Variants in GNPAT observed in about 807,000 individuals in gnomAD.
GNPAT encodes dihydroxyacetone phosphate acyltransferase.
In GNPAT, 30 loss-of-function variants were observed where a neutral mutation model predicts 78.4. The observed-to-expected ratio is 0.38, with a 90% confidence interval of 0.29 to 0.52. The LOEUF (loss-of-function observed/expected upper bound fraction) is 0.52. Ranked by LOEUF, GNPAT falls within the 20% of genes least tolerant of loss-of-function variation. The pLI, the probability that GNPAT is intolerant of heterozygous loss-of-function variation, is 0.84. For synonymous variants in GNPAT, 271 were observed against 281.1 expected, an observed-to-expected ratio of 0.96 and a Z score of 0.36; for missense variants, 714 against 812.2, an observed-to-expected ratio of 0.88 and a Z score of 1.47.
chr1:231,248,815 A>C (rs1490424492), intron 1 of GNPAT, among the ~76,000 whole-genome samples: 1 of 152,208 alleles, frequency 6.6e-6, no homozygotes, highest in African/African-American at 2.4e-5. Flanking sequence ...ACAATCACTT[A>C]TAGCATTCAG....
intron 10 of GNPAT, 49 bp from the exon 11 acceptor site, chr1:231,272,263 A>T: frequency 1.1e-6 from 1 of 940,676 alleles, no homozygotes; most frequent in Non-Finnish European, 1.8e-6. Flanking sequence ...GTACTCCCTT[A>T]AAGTTTAAAG....
intron 12 of GNPAT, 48 bp from the exon 13 acceptor site, chr1:231,275,173 C>A: frequency 9.2e-7 from 1 of 1,082,718 alleles, no homozygotes; most frequent in Non-Finnish European, 1.4e-6. Flanking sequence ...TTGAACTTGG[C>A]TATCCTTTTT....
intron 14 of GNPAT, 131 bp from the exon 15 acceptor site, chr1:231,276,004 C>G (rs1010908855): frequency 4.1e-5 from 26 of 627,718 alleles, no homozygotes. Context: ...TGAGGCCTTT[C>G]GACTACTTAG....
At chr1:231,242,480 G>C (rs1458277636) in intron 1 of GNPAT, among the ~76,000 whole-genome samples, 1 of 152,194 alleles carries the variant, frequency 6.6e-6, no homozygotes, top group Non-Finnish European at 1.5e-5. Flanking sequence ...AGAAACTTCT[G>C]TTCCCTCTCT....
chr1:231,266,056 T>C lies in GNPAT; in HGVS notation c.815T>C (p.Val272Ala). The change falls in exon 7 of 16, where the codon GTT becomes GCT. Residue 272 changes from valine (V) to alanine (A), a missense_variant. Coordinates refer to ENST00000366647, the MANE Select transcript of GNPAT (RefSeq NM_014236.4). ...ATGGAGCCATTTTTTAAAAGAGAAGTTTTTGATACCTACCTTGTCCCAATT... is the reference window on the plus strand; with the variant it reads ...ATGGAGCCATTTTTTAAAAGAGAAGCTTTTGATACCTACCTTGTCCCAATT... ...IVMEPFFKREVFDTYLVPISI... is the reference protein window; with the variant it reads ...IVMEPFFKREAFDTYLVPISI... 6.2e-7 allele frequency: 1 copy of C among 1,612,154 alleles called. No homozygotes were observed. Among genetic ancestry groups the C allele is most frequent in the Non-Finnish European group, 8.5e-7 (1 of 1,178,482 alleles).
rs756439083 is a variant in GNPAT, at chr1:231,241,456, G to T, written c.78G>T (p.Ser26=). The T allele has an allele frequency of 6.2e-7, 1 of 1,608,648 alleles. No individual in the cohort carries two copies. ...TSPSAVVLLY[S]KELKKWDEFE... is the part of the protein sequence containing the mutation. ...CCAGCGCTGTCGTGCTCCTCTACTC[G>T]GTAGGCGCCCAGGGAAAAGAGGCCC... The change falls in exon 1 of 16, where the codon TCG becomes TCT. Residue 26 remains serine, a splice_region_variant and synonymous_variant. Transcript: ENST00000366647.
chr1:231,250,013 A>G (rs1343334737), intron 1 of GNPAT, among the ~76,000 whole-genome samples: 8 of 151,844 alleles, frequency 5.3e-5, no homozygotes, highest in African/African-American at 1.9e-4. Context: ...TTGGGAGACC[A>G]AGGTGGGAGG....
intron 2 of GNPAT, among the ~76,000 whole-genome samples, chr1:231,253,223 C>T (rs1482311765): frequency 6.6e-6 from 1 of 152,226 alleles, no homozygotes; most frequent in African/African-American, 2.4e-5. Flanking sequence ...CTCTCCTTGG[C>T]CTCCCAAAGT....
intron 9 of GNPAT, among the ~76,000 whole-genome samples, chr1:231,268,763 G>A (rs1021609063): frequency 4.6e-5 from 7 of 151,102 alleles, no homozygotes; most frequent in East Asian, 2.0e-4. Context: ...AAAATTAGCC[G>A]GGCATGGTGG....
Position 231,268,050 on chromosome 1 carries a change from C to A in GNPAT, c.1279+147C>A, listed in dbSNP as rs914497273. 7.3e-6 allele frequency: 5 copies of A among 689,280 alleles called. No homozygotes were observed. In the African/African-American group the frequency reaches 8.8e-5, roughly 12 times the overall value. The allele number at this position is 689,280 out of a possible 1,614,324, so 42.7% of individuals were successfully genotyped here. A position where few individuals can be genotyped will look rare whatever the true frequency, so the allele number is the denominator to read the frequency against. The stretch of plus-strand genomic sequence containing the variant: ...GGGCGCGGTGGTTCACACCTGTAAT[C>A]CCAGCACTTTGGGAGGCCAAGGCAG... On this transcript the variant is annotated intron_variant, in intron 9 of 15. Coordinates refer to ENST00000366647, the MANE Select transcript of GNPAT (RefSeq NM_014236.4).
intron 10 of GNPAT, among the ~76,000 whole-genome samples, chr1:231,271,840 C>T (rs988623673): frequency 1.3e-5 from 2 of 152,150 alleles, no homozygotes; most frequent in African/African-American, 4.8e-5. Flanking sequence ...CAGTGGCTCA[C>T]GCCTGTAATC....
rs766128889 is a variant in GNPAT, at chr1:231,265,264, G to T, written c.569-29G>T. The T allele has an allele frequency of 2.0e-6, 3 of 1,537,096 alleles. No homozygotes were observed. In the African/African-American group the frequency reaches 4.1e-5, roughly 21 times the overall value. ...ATCTTTATAGAAGATTTCAAGATCT[G>T]CAAATAAATATTATCCCCTCTTTTT... is the stretch of plus-strand genomic sequence containing the variant. On this transcript the variant is annotated intron_variant, in intron 4 of 15. Transcript: ENST00000366647.
intron 2 of GNPAT, among the ~76,000 whole-genome samples, chr1:231,252,360 GTT>G (rs1684921254): frequency 1.3e-5 from 2 of 152,210 alleles, no homozygotes; most frequent in Non-Finnish European, 2.9e-5. Context: ...GAGGGAACCA[GTT>G]TGGGAGGGAA....
At chr1:231,254,440 G>A (rs1411655748) in intron 2 of GNPAT, among the ~76,000 whole-genome samples, 1 of 151,582 alleles carries the variant, frequency 6.6e-6, no homozygotes, top group Non-Finnish European at 1.5e-5. Context: ...GTGTCACAGT[G>A]AAAAATTTTT....
intron 2 of GNPAT, among the ~76,000 whole-genome samples, 184 bp from the exon 3 acceptor site, chr1:231,260,321 TAA>T (rs1393837670): frequency 6.6e-6 from 1 of 152,100 alleles, no homozygotes; most frequent in African/African-American, 2.4e-5. Context: ...TTCTGGCCTT[TAA>T]ACTTCTTTAA....
intron 1 of GNPAT, among the ~76,000 whole-genome samples, chr1:231,246,698 A>G (rs976323513): frequency 1.3e-5 from 2 of 152,248 alleles, no homozygotes; most frequent in African/African-American, 4.8e-5. Flanking sequence ...ATTAATGAGC[A>G]GGAACACTCA....
intron 9 of GNPAT, among the ~76,000 whole-genome samples, chr1:231,268,157 A>G (rs1380315469): frequency 6.6e-6 from 1 of 152,004 alleles, no homozygotes; most frequent in African/African-American, 2.4e-5. Flanking sequence ...GAAAAAATTA[A>G]CCAGGCGTGG....
At chr1:231,275,004 T>G in intron 12 of GNPAT, 2 of 512,564 alleles carry the variant, frequency 3.9e-6, no homozygotes, top group South Asian at 4.4e-5. Context: ...ATGTCATTAT[T>G]ATTTTAAATC....
At chr1:231,251,447 G>A (rs1425571708) in intron 2 of GNPAT, among the ~76,000 whole-genome samples, 2 of 152,132 alleles carry the variant, frequency 1.3e-5, no homozygotes, top group Non-Finnish European at 2.9e-5. Context: ...AACTCATTTG[G>A]TGTAGAGAGT....
Sources: allele counts gnomAD v4.1 joint callset (sites outside exome capture counted in the v4.1 genomes callset), GRCh38; gene constraint gnomAD v4.1.1; transcripts MANE v1.5; gene names NCBI Gene and HGNC (gene_info 2026-07-23, HGNC 2026-07-21).